Variants in ACOX1 observed in about 807,000 individuals in gnomAD.
ACOX1 encodes peroxisomal acyl-coenzyme A oxidase 1.
Under a neutral mutation model 75.5 loss-of-function variants are expected in ACOX1, and 41 were observed. The observed-to-expected ratio is 0.54, with a 90% CI of 0.42 to 0.70. The LOEUF (loss-of-function observed/expected upper bound fraction) is 0.70. ACOX1 is among the 30% of genes least tolerant of loss of function. ACOX1 has a pLI of 0.00. For synonymous variants in ACOX1, 303 were observed against 298.8 expected (o/e 1.01, Z -0.15); for missense variants, 630 against 837.5 (o/e 0.75, Z 3.06).
chr17:75,952,699 G>A (rs532868380), intron 7 of ACOX1, among the ~76,000 whole-genome samples: 40 of 151,550 alleles, frequency 2.6e-4, no homozygotes, highest in Non-Finnish European at 4.9e-4. Flanking sequence ...GCATGGTGGC[G>A]TGCACCTGTA....
In ACOX1 at chr17:75,960,722, A is replaced by C. The variant is rs571895832; in HGVS notation, c.270-347T>G. ...GGCCAGTGCAGTGGATCATGCCTAC[A>C]ATCTCAGCACTTTGGGAGGCCAAGG... On this transcript the variant is annotated intron_variant, in intron 2 of 13. Coordinates refer to ENST00000293217, the MANE Select transcript of ACOX1 (RefSeq NM_004035.7). This position sits in a 1 kb window ranked among gnomAD's most constrained non-coding sequence, Gnocchi z 4.4. Among the ~76,000 whole-genome samples, 72 of 152,324 alleles carry C rather than the reference A, an allele frequency of 4.7e-4. No homozygotes were observed. Among genetic ancestry groups the C allele is most frequent in the African/African-American group, 1.4e-3 (58 of 41,580 alleles).
intron 6 of ACOX1, among the ~76,000 whole-genome samples, chr17:75,954,805 T>C (rs973375995): frequency 4.6e-5 from 7 of 151,886 alleles, no homozygotes; most frequent in Non-Finnish European, 8.8e-5. Context: ...TTCCTGACCT[T>C]ATGATCCATC....
At position 75,952,524 on chromosome 17, in the gene ACOX1, C is replaced by T. The variant is rs554267509; in HGVS notation, c.944+927G>A. On this transcript the variant is annotated intron_variant, in intron 7 of 13. Transcript: ENST00000293217. ...GGCCAGGCTGGTCTTGAACTCCTGA[C>T]TTCAAGTGATCCACCCGCTTTGGCC... Among the ~76,000 whole-genome samples, 5 of 152,072 alleles carry T rather than the reference C, an allele frequency of 3.3e-5. No individual in the cohort carries two copies. In the South Asian group the frequency reaches 6.2e-4, roughly 19 times the overall value.
At chr17:75,953,776 A>G (rs925373346) in intron 6 of ACOX1, among the ~76,000 whole-genome samples, 156 bp from the exon 7 acceptor site, 3 of 152,278 alleles carry the variant, frequency 2.0e-5, no homozygotes, top group African/African-American at 7.2e-5. Context: ...CAACTGAATC[A>G]GAAACTCCAG....
chr17:75,953,822 C>G (rs2065796728), intron 6 of ACOX1, among the ~76,000 whole-genome samples: 1 of 152,240 alleles, frequency 6.6e-6, no homozygotes, highest in Non-Finnish European at 1.5e-5. Context: ...AACTGGCCTT[C>G]CAGGTGATTC....
Position 75,978,243 on chromosome 17 carries a change from C to T in ACOX1, c.269+291G>A, listed in dbSNP as rs2066075567. On this transcript the variant is annotated intron_variant, in intron 2 of 13. Coordinates refer to ENST00000293217, the MANE Select transcript of ACOX1 (RefSeq NM_004035.7). This position sits in a 1 kb window ranked among gnomAD's most constrained non-coding sequence, Gnocchi z 4.2. The stretch of plus-strand genomic sequence containing the variant: ...CCGAGTAGCTGGAACTACAGGCGCC[C>T]GCCACCACGCCCGGCTAATTTTTGT... Among the ~76,000 whole-genome samples the T allele has an allele frequency of 6.6e-6, 1 of 151,982 alleles. No individual in the cohort carries two copies. The highest frequency in any genetic ancestry group is 2.4e-5 in the African/African-American group (1 of 41,368).
chr17:75,960,130 C>A lies in ACOX1; in HGVS notation c.430+85G>T. ...AACAGACCATAGAACATCGACACAC[C>A]ATCGATGGCACATGGTGGGCACTCC... On this transcript the variant is annotated intron_variant, in intron 3 of 13. Coordinates refer to ENST00000293217, the MANE Select transcript of ACOX1 (RefSeq NM_004035.7). The surrounding 1 kb of genome is among the most constrained non-coding windows in gnomAD (Gnocchi z 4.4). The A allele has an allele frequency of 3.3e-6, 5 of 1,533,266 alleles. No homozygotes were observed. The highest frequency in any genetic ancestry group is 4.5e-6 in the Non-Finnish European group (5 of 1,112,516). 95.0% of individuals were successfully genotyped at this position (1,533,266 alleles called of 1,614,324 possible).
intron 6 of ACOX1, 81 bp downstream of exon 6, chr17:75,955,485 G>T: frequency 8.6e-7 from 1 of 1,167,490 alleles, no homozygotes; most frequent in Non-Finnish European, 1.3e-6. Context: ...TAAAAGAACA[G>T]ACCATTCTAA....
intron 2 of ACOX1, chr17:75,973,787 T>A: frequency 6.2e-7 from 1 of 1,614,040 alleles, no homozygotes; most frequent in Non-Finnish European, 8.5e-7. Flanking sequence ...AAATGTAGTC[T>A]ACAGGAGAGA....
chr17:75,972,645 C>CA (rs10606220), intron 2 of ACOX1, among the ~76,000 whole-genome samples: 2,192 of 99,116 alleles, frequency 0.022, 25 homozygotes, highest in African/African-American at 0.039. Flanking sequence ...AACTCTGTCT[C>CA]AAAAAAAAAA....
At position 75,960,500 on chromosome 17, in the gene ACOX1, T is replaced by A; in HGVS notation, c.270-125A>T. On this transcript the variant is annotated intron_variant, in intron 2 of 13. Coordinates refer to ENST00000293217, the MANE Select transcript of ACOX1 (RefSeq NM_004035.7). The surrounding 1 kb of genome is among the most constrained non-coding windows in gnomAD (Gnocchi z 4.4). ...TAAGTATGAATTAGTTGCGTGCACT[T>A]AATCATAGATGGGAGCACTGTCCCT... 1.1e-6 allele frequency: 1 copy of A among 906,682 alleles called. No homozygotes were observed. The highest frequency in any genetic ancestry group is 1.7e-6 in the Non-Finnish European group (1 of 572,190). 56.2% of individuals were successfully genotyped at this position (906,682 alleles called of 1,614,324 possible).
At chr17:75,948,895 T>C (rs2065747788) in intron 12 of ACOX1, among the ~76,000 whole-genome samples, 1 of 149,500 alleles carries the variant, frequency 6.7e-6, no homozygotes, top group Admixed American at 6.7e-5. Flanking sequence ...AGTATTGCTC[T>C]GTCACCCAGG....
At position 75,949,731 on chromosome 17, in the gene ACOX1, G is replaced by A. The variant is rs2065756587; in HGVS notation, c.1465C>T (p.Leu489Phe). The A allele has an allele frequency of 1.2e-6, 2 of 1,614,188 alleles. No individual in the cohort carries two copies. Among genetic ancestry groups the A allele is most frequent in the Non-Finnish European group, 1.7e-6 (2 of 1,180,038 alleles). The change falls in exon 10 of 14, where the codon CTC becomes TTC. Residue 489 changes from leucine (L) to phenylalanine (F), a missense_variant. Leu to Phe is a conservative substitution (Grantham distance 22). Transcript: ENST00000293217. ...GGGAGAGCTCACCTGGCTGCACGGAGTTTATATGCTTCGGTTAGGCTTTCG... is the reference window on the plus strand; with the variant it reads ...GGGAGAGCTCACCTGGCTGCACGGAATTTATATGCTTCGGTTAGGCTTTCG... ...SPESLTEAYK[L>F]RAARLVEIAA...
chr17:75,978,747 C>A lies in ACOX1; in HGVS notation c.110-54G>T. ...GCAGACAGACACTCGGGCCTCCGTT[C>A]CACCCTCCCTGAATCACAATAGGCT... is the stretch of plus-strand genomic sequence containing the variant. On this transcript the variant is annotated intron_variant, in intron 1 of 13. Transcript: ENST00000293217. This position sits in a 1 kb window ranked among gnomAD's most constrained non-coding sequence, Gnocchi z 4.2. 6.2e-7 allele frequency: 1 copy of A among 1,612,134 alleles called. No individual in the cohort carries two copies. The highest frequency in any genetic ancestry group is 1.1e-5 in the South Asian group (1 of 90,916).
At position 75,978,825 on chromosome 17, in the gene ACOX1, A is replaced by G. The variant is rs1312490541; in HGVS notation, c.110-132T>C. The G allele has an allele frequency of 6.3e-7, 1 of 1,599,656 alleles. No individual in the cohort carries two copies. Among genetic ancestry groups the G allele is most frequent in the Non-Finnish European group, 8.5e-7 (1 of 1,176,802 alleles). ...GGCGATATCCCCCCACCAGGGACAC[A>G]GGCTGTTCCTCGAAGTGGGGGTCCC... On this transcript the variant is annotated intron_variant, in intron 1 of 13. Transcript: ENST00000293217. This position sits in a 1 kb window ranked among gnomAD's most constrained non-coding sequence, Gnocchi z 4.2.
intron 2 of ACOX1, among the ~76,000 whole-genome samples, chr17:75,975,968 AAAG>A (rs758419950): frequency 2.0e-5 from 3 of 152,138 alleles, no homozygotes; most frequent in Admixed American, 6.6e-5. Flanking sequence ...AAAGAAAAGA[AAAG>A]AAAGAAAGGT....
At chr17:75,956,915 C>T (rs1295450371) in intron 4 of ACOX1, among the ~76,000 whole-genome samples, 1 of 41,520 alleles carries the variant, frequency 2.4e-5, no homozygotes, top group East Asian at 9.0e-4. Flanking sequence ...GCTTTCCTCT[C>T]TCTCTCTCTC....
At position 75,957,008 on chromosome 17, in the gene ACOX1, T is replaced by TATAC. The variant is rs1555617568; in HGVS notation, c.538+450_538+451insGTAT. Reference sequence around the variant, plus strand: ...ATATATATATATATATATATATATATACACACACACACCTCTCTCTGTCTA... The same window carrying TATAC: ...ATATATATATATATATATATATATATATACACACACACACACCTCTCTCTGTCTA... On this transcript the variant is annotated intron_variant, in intron 4 of 13. Coordinates refer to ENST00000293217, the MANE Select transcript of ACOX1 (RefSeq NM_004035.7). Among the ~76,000 whole-genome samples, 63 of 110,168 alleles carry TATAC rather than the reference T, an allele frequency of 5.7e-4. 2 individuals carry two copies. Among genetic ancestry groups the TATAC allele is most frequent in the African/African-American group, 2.1e-3 (57 of 26,642 alleles). The allele number at this position is 110,168 out of a possible 152,430, so 72.3% of individuals were successfully genotyped here. A position where few individuals can be genotyped will look rare whatever the true frequency, so the allele number is the denominator to read the frequency against.
chr17:75,955,256 A>G lies in ACOX1; in HGVS notation c.774+310T>C, dbSNP rs563917962. On this transcript the variant is annotated intron_variant, in intron 6 of 13. Coordinates refer to ENST00000293217, the MANE Select transcript of ACOX1 (RefSeq NM_004035.7). Reference sequence around the variant, plus strand: ...CAGCTCACTGTAGCCTCGGCCTCCCAGGCTCAAGTGATCCTCCCACCCCAG... The same window carrying G: ...CAGCTCACTGTAGCCTCGGCCTCCCGGGCTCAAGTGATCCTCCCACCCCAG... Among the ~76,000 whole-genome samples, 29 of 151,666 alleles carry G rather than the reference A, an allele frequency of 1.9e-4. No homozygotes were observed. In the East Asian group the frequency reaches 5.5e-3, roughly 29 times the overall value.
Sources: allele counts gnomAD v4.1 joint callset (sites outside exome capture counted in the v4.1 genomes callset), GRCh38; gene constraint gnomAD v4.1.1; non-coding constraint Gnocchi (gnomAD v3.1); transcripts MANE v1.5; gene names NCBI Gene and HGNC (gene_info 2026-07-23, HGNC 2026-07-21).